Variants in POMGNT2 observed in about 807,000 individuals in gnomAD.
POMGNT2 encodes the protein protein O-linked mannose N-acetylglucosaminyltransferase 2 (beta 1,4-), also known as protein O-linked-mannose beta-1,4-N-acetylglucosaminyltransferase 2.
In POMGNT2, 32 loss-of-function variants were observed where a neutral mutation model predicts 37.8. The ratio of observed to expected loss-of-function variants is 0.85; its 90% confidence interval spans 0.64 to 1.14. POMGNT2 has a LOEUF of 1.14. Among genes scored for constraint, POMGNT2 ranks in the 50% most tolerant of loss-of-function variants. The pLI is 0.00. For missense variants in POMGNT2, 705 were observed against 780.6 expected (o/e 0.90, Z 1.15); for synonymous variants, 340 against 336.8 (o/e 1.01, Z -0.10).
chr3:43,086,269 A>G (rs1265219634), intron 1 of POMGNT2, among the ~76,000 whole-genome samples: 2 of 152,220 alleles, frequency 1.3e-5, no homozygotes, highest in African/African-American at 4.8e-5. Context: ...TATAAATTAG[A>G]GTAGGCTCAA....
intron 1 of POMGNT2, among the ~76,000 whole-genome samples, chr3:43,085,303 A>G (rs768525442): frequency 1.2e-4 from 18 of 152,112 alleles, no homozygotes; most frequent in Admixed American, 2.6e-4. Flanking sequence ...GTGGAAGTCT[A>G]GGCTATCTGA....
At chr3:43,102,833 T>C (rs1037626339) in intron 1 of POMGNT2, among the ~76,000 whole-genome samples, 3 of 152,206 alleles carry the variant, frequency 2.0e-5, no homozygotes, top group African/African-American at 7.2e-5. Flanking sequence ...CAATGGCAGA[T>C]AAGCAGAGTA....
rs2089832613 is a variant in POMGNT2, at chr3:43,080,006, A to G, written c.1426T>C (p.Trp476Arg). Residue 476 changes from tryptophan (W) to arginine (R), a missense_variant, in exon 2 of 2, where the codon TGG becomes CGG. Coordinates refer to ENST00000344697, the MANE Select transcript of POMGNT2 (RefSeq NM_032806.6). ...KGRPGPRKQK[W>R]TVGLYPGKVR... is the part of the protein sequence containing the mutation. ...TTGCCTGGATATAGGCCGACTGTCC[A>G]CTTCTGCTTCCGTGGTCCTGGCCGG... The G allele has an allele frequency of 6.2e-7, 1 of 1,613,676 alleles. No homozygotes were observed. Among genetic ancestry groups the G allele is most frequent in the Non-Finnish European group, 8.5e-7 (1 of 1,180,022 alleles).
chr3:43,088,573 G>A (rs1220325097), intron 1 of POMGNT2, among the ~76,000 whole-genome samples: 1 of 152,218 alleles, frequency 6.6e-6, no homozygotes, highest in Non-Finnish European at 1.5e-5. Context: ...CAGGTGGACT[G>A]TCAGCAGAGC....
intron 1 of POMGNT2, among the ~76,000 whole-genome samples, chr3:43,082,544 G>A (rs774333803): frequency 2.1e-4 from 32 of 152,214 alleles, no homozygotes; most frequent in Non-Finnish European, 4.3e-4. Flanking sequence ...CTAGGGGTAA[G>A]CATTTACTCC....
intron 1 of POMGNT2, chr3:43,087,368 T>C (rs1254123231): frequency 6.6e-6 from 1 of 152,238 alleles, no homozygotes; most frequent in African/African-American, 2.4e-5. Flanking sequence ...CAAGTCCTCA[T>C]TTTACGCAGA....
At chr3:43,104,200 A>G (rs771568201) in intron 1 of POMGNT2, among the ~76,000 whole-genome samples, 1 of 152,198 alleles carries the variant, frequency 6.6e-6, no homozygotes, top group Non-Finnish European at 1.5e-5. Flanking sequence ...GCCCGTGATG[A>G]CATTTGCAGG....
intron 1 of POMGNT2, among the ~76,000 whole-genome samples, chr3:43,099,832 C>A (rs2090004814): frequency 6.6e-6 from 1 of 152,108 alleles, no homozygotes. Flanking sequence ...CACCATGTCA[C>A]CCTCAACTCC....
At chr3:43,092,948 G>A (rs917821951) in intron 1 of POMGNT2, among the ~76,000 whole-genome samples, 11 of 152,282 alleles carry the variant, frequency 7.2e-5, no homozygotes, top group Middle Eastern at 6.8e-3. Context: ...CATTTTGCCC[G>A]GATCAAAGAA....
chr3:43,089,234 C>A (rs981677987), intron 1 of POMGNT2, among the ~76,000 whole-genome samples: 1 of 152,214 alleles, frequency 6.6e-6, no homozygotes, highest in Non-Finnish European at 1.5e-5. Flanking sequence ...GCCCTGCAGG[C>A]AGGAAGTACC....
rs560158814 is a variant in POMGNT2, at chr3:43,098,321, T to G, written c.-106+7515A>C. Among the ~76,000 whole-genome samples, 5 of 152,354 alleles carry G rather than the reference T, an allele frequency of 3.3e-5. No individual in the cohort carries two copies. The East Asian group carries it at 9.6e-4, about 29-fold the overall frequency. On this transcript the variant is annotated intron_variant, in intron 1 of 1. Coordinates refer to ENST00000344697, the MANE Select transcript of POMGNT2 (RefSeq NM_032806.6). The surrounding 1 kb of genome is among the most constrained non-coding windows in gnomAD (Gnocchi z 4.3). ...TAAGGAGTAAACATGTTTCACTAAC[T>G]CAAGCTTATCCTCAGAATGATCTCT... is the stretch of plus-strand genomic sequence containing the variant.
At chr3:43,096,065 G>C (rs541441330) in intron 1 of POMGNT2, among the ~76,000 whole-genome samples, 24 of 152,152 alleles carry the variant, frequency 1.6e-4, no homozygotes, top group Non-Finnish European at 3.2e-4. Flanking sequence ...GGATTCAAAG[G>C]GGACCCAACA....
chr3:43,090,125 A>T (rs1523126), intron 1 of POMGNT2, among the ~76,000 whole-genome samples: 24,425 of 151,964 alleles, frequency 0.16, 2,382 homozygotes, highest in East Asian at 0.28. Context: ...AGTCTTTTCC[A>T]ACCCATACAC....
chr3:43,092,662 A>G (rs2125708072), intron 1 of POMGNT2, among the ~76,000 whole-genome samples: 1 of 152,314 alleles, frequency 6.6e-6, no homozygotes, highest in Non-Finnish European at 1.5e-5. Context: ...TTGCTCTAAA[A>G]TCCTCCAGCA....
At position 43,079,676 on chromosome 3, in the gene POMGNT2, T is replaced by A; in HGVS notation, c.*13A>T. Reference sequence around the variant, plus strand: ...AGGAGCCACCTTCCCGAGGCCAGGCTGTGGCCTGCTCGCTACGTGTTGCAC... The same window carrying A: ...AGGAGCCACCTTCCCGAGGCCAGGCAGTGGCCTGCTCGCTACGTGTTGCAC... On this transcript the variant is annotated 3_prime_UTR_variant, in exon 2 of 2. Transcript: ENST00000344697. The A allele has an allele frequency of 6.2e-7, 1 of 1,603,182 alleles. No homozygotes were observed. The highest frequency in any genetic ancestry group is 2.2e-5 in the East Asian group (1 of 44,800).
At chr3:43,102,959 T>C (rs2090030268) in intron 1 of POMGNT2, among the ~76,000 whole-genome samples, 1 of 152,112 alleles carries the variant, frequency 6.6e-6, no homozygotes, top group Non-Finnish European at 1.5e-5. Context: ...CTTGCTGTAA[T>C]TCCTCCCCAC....
Position 43,080,701 on chromosome 3 carries a change from T to C in POMGNT2, c.731A>G (p.Gln244Arg), listed in dbSNP as rs2089843560. Residue 244 changes from glutamine to arginine, a missense_variant, in exon 2 of 2, where the codon CAG becomes CGG. By Grantham distance (43) the Gln-to-Arg change is conservative. Transcript: ENST00000344697. ...GCCCTGGGGCTGCACAAAGCCATAC[T>C]GGTACCAGGTAGTGATCTTGGAGAG... The part of the protein sequence containing the change: ...VGLSKITTWY[Q>R]YGFVQPQGPK... 1 of 1,614,028 alleles carries C rather than the reference T, an allele frequency of 6.2e-7. No individual in the cohort carries two copies. Among genetic ancestry groups the C allele is most frequent in the South Asian group, 1.1e-5 (1 of 91,092 alleles).
At chr3:43,081,701 T>C (rs1284941203) in intron 1 of POMGNT2, among the ~76,000 whole-genome samples, 165 bp from the exon 2 acceptor site, 1 of 152,216 alleles carries the variant, frequency 6.6e-6, no homozygotes, top group Non-Finnish European at 1.5e-5. Flanking sequence ...ATTAGACCAT[T>C]GTTTAAAATA....
At chr3:43,082,220 T>C (rs2089862663) in intron 1 of POMGNT2, among the ~76,000 whole-genome samples, 1 of 152,220 alleles carries the variant, frequency 6.6e-6, no homozygotes, top group Non-Finnish European at 1.5e-5. Flanking sequence ...GACTTTTCCT[T>C]AAATGAGAAC....
Sources: gnomAD v4.1 joint callset for allele counts (sites outside exome capture counted in the v4.1 genomes callset) on GRCh38, gnomAD v4.1.1 for gene constraint, Gnocchi (gnomAD v3.1) non-coding constraint, MANE v1.5 for transcripts, NCBI Gene and HGNC (gene_info 2026-07-23, HGNC 2026-07-21) for gene names.